Variants in XG observed in about 807,000 individuals in gnomAD.
XG encodes the protein glycoprotein Xg.
In XG, 24 loss-of-function variants were observed where a neutral mutation model predicts 25.7. The observed-to-expected ratio is 0.93, with a 90% CI of 0.68 to 1.31. The LOEUF is 1.31. Among genes scored for constraint, XG ranks in the 40% most tolerant of loss-of-function variants. The probability of loss-of-function intolerance (pLI) is 0.00; values close to 1 mark genes in which losing one functional copy is unlikely to be tolerated. For synonymous variants in XG, 77 were observed against 69.2 expected (o/e 1.11, Z -0.56); for missense variants, 181 against 187.6 (o/e 0.96, Z 0.21).
At chrX:2,804,739 G>A (rs1157594592) in intron 7 of XG, among the ~76,000 whole-genome samples, 2 of 111,626 alleles carry the variant, frequency 1.8e-5, no homozygotes, top group Non-Finnish European at 3.8e-5. Flanking sequence ...AGTTAGTCTC[G>A]GGAGGTCTGC....
intron 1 of XG, among the ~76,000 whole-genome samples, chrX:2,770,248 A>T (rs2857324): frequency 0.47 from 71,741 of 151,816 alleles, 17,182 homozygotes; most frequent in South Asian, 0.64. Flanking sequence ...TCTATTTATA[A>T]GAAATTTGCA....
intron 2 of XG, among the ~76,000 whole-genome samples, chrX:2,773,601 A>G (rs768676591): frequency 0.089 from 2,359 of 26,368 alleles, 18 homozygotes; most frequent in South Asian, 0.12. Flanking sequence ...GAAGGAGAGA[A>G]GGAAGGAAGG....
chrX:2,801,625 G>C (rs113167721), intron 7 of XG, among the ~76,000 whole-genome samples: 1 of 111,758 alleles, frequency 8.9e-6, no homozygotes, highest in African/African-American at 3.3e-5. Flanking sequence ...CATCTTGAAC[G>C]TGTCTAGGCC....
chrX:2,793,713 G>C (rs1230839187), intron 5 of XG, among the ~76,000 whole-genome samples: 1 of 111,750 alleles, frequency 8.9e-6, no homozygotes, highest in African/African-American at 3.3e-5. Flanking sequence ...GAGAGAGACA[G>C]GGGGATGGTG....
rs199772801 is a variant in XG, at chrX:2,789,624, A to G, written c.191-20A>G. 8.3e-5 allele frequency: 93 copies of G among 1,117,103 alleles called. No individual in the cohort carries two copies. The African/African-American group carries it at 1.4e-3, about 16-fold the overall frequency. 92.1% of individuals were successfully genotyped at this position (1,117,103 alleles called of 1,213,427 possible). ...AAGATGTCATTATTTTTCTGAAATC[A>G]TACTGTTGTTTTCCAACAGATATCT... On this transcript the variant is annotated intron_variant, in intron 4 of 10. Coordinates refer to ENST00000644266, the MANE Select transcript of XG (RefSeq NM_001141919.2).
At chrX:2,776,018 A>T (rs866690112) in intron 3 of XG, among the ~76,000 whole-genome samples, 1 of 151,344 alleles carries the variant, frequency 6.6e-6, no homozygotes, top group African/African-American at 2.4e-5. Flanking sequence ...GGCCGGGCGC[A>T]GTGGCTCACG....
At chrX:2,769,724 T>C (rs1342105708) in intron 1 of XG, among the ~76,000 whole-genome samples, 1 of 152,204 alleles carries the variant, frequency 6.6e-6, no homozygotes, top group East Asian at 1.9e-4. Flanking sequence ...GTGAATGTTC[T>C]CTTCTCTCTG....
At chrX:2,788,356 G>A (rs1461834202) in intron 4 of XG, among the ~76,000 whole-genome samples, 1 of 112,551 alleles carries the variant, frequency 8.9e-6, no homozygotes, top group East Asian at 2.8e-4. Context: ...TGAAGATACA[G>A]ACTCATGTCG....
intron 2 of XG, among the ~76,000 whole-genome samples, chrX:2,772,637 T>C (rs2050844451): frequency 6.6e-6 from 1 of 152,210 alleles, no homozygotes; most frequent in African/African-American, 2.4e-5. Context: ...ATACAGGTGG[T>C]GATTGTACAA....
At chrX:2,803,452 G>A (rs1016917219) in intron 7 of XG, among the ~76,000 whole-genome samples, 1 of 111,627 alleles carries the variant, frequency 9.0e-6, no homozygotes, top group African/African-American at 3.3e-5. Flanking sequence ...AATTCATGCA[G>A]AGCCAGCTGT....
chrX:2,802,861 T>A (rs958902783), intron 7 of XG, among the ~76,000 whole-genome samples: 12 of 110,789 alleles, frequency 1.1e-4, no homozygotes, highest in Non-Finnish European at 2.1e-4. Flanking sequence ...TCAAAGGCAG[T>A]CTGATCCCCG....
chrX:2,759,708 A>AC (rs1429385420), intron 1 of XG, among the ~76,000 whole-genome samples: 3 of 152,018 alleles, frequency 2.0e-5, no homozygotes, highest in African/African-American at 4.8e-5. Flanking sequence ...ATAACAACTG[A>AC]CCCTTCCTGT....
rs1331020573 is a variant in XG, at chrX:2,808,193, C to G, written c.427C>G (p.His143Asp). The change falls in exon 9 of 11, where the codon CAC (histidine) becomes GAC (aspartate). Residue 143 changes from histidine to aspartate, a missense_variant. By Grantham distance (81) the His-to-Asp change is moderately conservative (BLOSUM62 -1). Transcript: ENST00000644266. ...TCCTTTTCCGCTTACAGGTGGAGAT[C>G]ACCATTCAACGTATGGCAATCCAGA... ...SRYGNTYGGDHHSTYGNPEGN... is the reference protein window; with the variant it reads ...SRYGNTYGGDDHSTYGNPEGN... 1 of 1,209,140 alleles carries G rather than the reference C, an allele frequency of 8.3e-7. No homozygotes were observed. Among genetic ancestry groups the G allele is most frequent in the Non-Finnish European group, 1.1e-6 (1 of 894,994 alleles).
At position 2,766,780 on chromosome X, in the gene XG, TG is replaced by T. The variant is rs746370502; in HGVS notation, c.62-3768del. Among the ~76,000 whole-genome samples, 25 of 151,644 alleles carry T rather than the reference TG, an allele frequency of 1.6e-4. No homozygotes were observed. The South Asian group carries it at 5.2e-3, about 32-fold the overall frequency. Reference sequence around the variant, plus strand: ...CGGGGTTTCACCGTGTTAGCCAGGATGGTCTCGATCTCCTGACCTCGTGATC... The same window carrying T: ...CGGGGTTTCACCGTGTTAGCCAGGATGTCTCGATCTCCTGACCTCGTGATC... On this transcript the variant is annotated intron_variant, in intron 1 of 10. Coordinates refer to ENST00000644266, the MANE Select transcript of XG (RefSeq NM_001141919.2).
At position 2,811,105 on chromosome X, in the gene XG, G is replaced by T. The variant is rs1372847033; in HGVS notation, c.455-231G>T. ...TGTGAAAACAGAATTACTTCCTAAGGTTTTTTTTTCTTTTTTTTTAAATTA... is the reference window on the plus strand; with the variant it reads ...TGTGAAAACAGAATTACTTCCTAAGTTTTTTTTTTCTTTTTTTTTAAATTA... On this transcript the variant is annotated intron_variant, in intron 9 of 10. Transcript: ENST00000644266. Among the ~76,000 whole-genome samples, 3 of 86,755 alleles carry T rather than the reference G, an allele frequency of 3.5e-5. No homozygotes were observed. The South Asian group carries it at 1.7e-3, about 50-fold the overall frequency. The allele number at this position is 86,755 out of a possible 115,157, so 75.3% of individuals were successfully genotyped here.
At chrX:2,775,601 C>A (rs1298612611) in intron 3 of XG, among the ~76,000 whole-genome samples, 1 of 152,108 alleles carries the variant, frequency 6.6e-6, no homozygotes, top group Non-Finnish European at 1.5e-5. Context: ...GAATTATTCA[C>A]TTTTAAATGG....
chrX:2,768,874 G>T (rs1394930237), intron 1 of XG, among the ~76,000 whole-genome samples: 1 of 152,210 alleles, frequency 6.6e-6, no homozygotes, highest in Non-Finnish European at 1.5e-5. Context: ...TGTAGTGATC[G>T]CTGGTAACAG....
chrX:2,774,338 G>C (rs2050925701), intron 2 of XG, among the ~76,000 whole-genome samples: 1 of 151,992 alleles, frequency 6.6e-6, no homozygotes. Context: ...ATGAAAGAAA[G>C]TGAGATAAGC....
intron 1 of XG, among the ~76,000 whole-genome samples, chrX:2,768,392 G>C (rs2050745020): frequency 2.0e-5 from 3 of 152,186 alleles, no homozygotes; most frequent in Admixed American, 2.0e-4. Flanking sequence ...GCCTTGGAGG[G>C]GAGATGTTGC....
Sources: allele counts gnomAD v4.1 joint callset (sites outside exome capture counted in the v4.1 genomes callset), GRCh38; gene constraint gnomAD v4.1.1; transcripts MANE v1.5; gene names NCBI Gene and HGNC (gene_info 2026-07-23, HGNC 2026-07-21).